ANKRD44: variants seen among roughly 807,000 people sequenced by gnomAD.
ANKRD44 encodes serine/threonine-protein phosphatase 6 regulatory ankyrin repeat subunit B.
Under a neutral mutation model 116.0 loss-of-function variants are expected in ANKRD44, and 35 were observed. That is an observed-to-expected ratio of 0.30 (90% CI 0.23 to 0.40). The LOEUF (loss-of-function observed/expected upper bound fraction) is 0.40, where lower values mean the gene tolerates loss of function less well. Ranked by LOEUF, ANKRD44 falls within the 10% of genes least tolerant of loss-of-function variation. The pLI, the probability that ANKRD44 is intolerant of heterozygous loss-of-function variation, is 1.00. For missense variants in ANKRD44, 1,014 were observed against 1,242.6 expected, an observed-to-expected ratio of 0.82 and a Z score of 2.77; for synonymous variants, 435 against 461.8, an observed-to-expected ratio of 0.94 and a Z score of 0.74.
At chr2:196,983,908 T>C (rs997298949), downstream of ANKRD44, among the ~76,000 whole-genome samples, 1 of 152,166 alleles carries the variant, frequency 6.6e-6, no homozygotes, top group Non-Finnish European at 1.5e-5. Flanking sequence ...GAAATATACA[T>C]GTGTATGGCC....
intron 2 of ANKRD44, among the ~76,000 whole-genome samples, chr2:197,156,174 G>T (rs888421277): frequency 6.6e-6 from 1 of 152,058 alleles, no homozygotes; most frequent in African/African-American, 2.4e-5. Flanking sequence ...GTGAAACCCC[G>T]TCTCTACCAA....
Position 197,023,589 on chromosome 2 carries a change from CGA to C in ANKRD44, c.1722+1605_1722+1606del, listed in dbSNP as rs1445451648. 2.0e-5 allele frequency among the ~76,000 whole-genome samples: 3 copies of C among 151,974 alleles called. No homozygotes were observed. The East Asian group carries it at 5.8e-4, about 29-fold the overall frequency. On this transcript the variant is annotated intron_variant, in intron 17 of 27. Coordinates refer to ENST00000282272, the MANE Select transcript of ANKRD44 (RefSeq NM_001195144.2). Reference sequence around the variant, plus strand: ...ACACTGTGGAAAAAAAAAAGAAGAACGAGAGATGATCAAGTCTTTGGAAGCCA... The same window carrying C: ...ACACTGTGGAAAAAAAAAAGAAGAACGAGATGATCAAGTCTTTGGAAGCCA...
intron 21 of ANKRD44, among the ~76,000 whole-genome samples, chr2:196,973,109 A>T (rs2075727155): frequency 6.6e-6 from 1 of 152,180 alleles, no homozygotes; most frequent in Admixed American, 6.5e-5. Flanking sequence ...TTCAGCCAGC[A>T]CCATTTATTA....
At chr2:197,034,558 A>G (rs2076773933) in intron 16 of ANKRD44, among the ~76,000 whole-genome samples, 1 of 151,124 alleles carries the variant, frequency 6.6e-6, no homozygotes, top group Non-Finnish European at 1.5e-5. Context: ...AAAAAAATCT[A>G]TTAAAATGTC....
At chr2:197,092,605 C>G (rs2078066947) in intron 10 of ANKRD44, among the ~76,000 whole-genome samples, 1 of 152,180 alleles carries the variant, frequency 6.6e-6, no homozygotes, top group South Asian at 2.1e-4. Flanking sequence ...GAGATTCCAG[C>G]CCAGTGTGTA....
chr2:197,038,979 T>C (rs2124939773), intron 16 of ANKRD44, among the ~76,000 whole-genome samples: 1 of 152,318 alleles, frequency 6.6e-6, no homozygotes, highest in East Asian at 1.9e-4. Context: ...TCCCATATTA[T>C]TTTGGAGGTC....
intron 21 of ANKRD44, among the ~76,000 whole-genome samples, chr2:197,002,627 G>A (rs929742249): frequency 3.3e-5 from 5 of 152,132 alleles, no homozygotes; most frequent in African/African-American, 9.7e-5. Flanking sequence ...GGTTTGTGAC[G>A]TTCTATACAA....
At chr2:197,252,894 A>T (rs372375379) in intron 1 of ANKRD44, among the ~76,000 whole-genome samples, 2 of 152,214 alleles carry the variant, frequency 1.3e-5, no homozygotes, top group African/African-American at 4.8e-5. Context: ...TACCTAAAAA[A>T]GAGTAGAGGC....
In ANKRD44 at chr2:197,193,836, C is replaced by T. The variant is rs753216335; in HGVS notation, c.28-6730G>A. 3.3e-5 allele frequency among the ~76,000 whole-genome samples: 5 copies of T among 152,054 alleles called. No homozygotes were observed. In the East Asian group the frequency reaches 5.8e-4, roughly 18 times the overall value. ...GGCAGAGCTTGCAGTGAGCCGAGAT[C>T]GCGCCACTGCACTCCAGCCTGGGCA... is the stretch of plus-strand genomic sequence containing the variant. On this transcript the variant is annotated intron_variant, in intron 1 of 27. Transcript: ENST00000282272.
At chr2:197,091,152 C>A (rs532635413) in intron 10 of ANKRD44, among the ~76,000 whole-genome samples, 1 of 152,358 alleles carries the variant, frequency 6.6e-6, no homozygotes, top group South Asian at 2.1e-4. Context: ...GGACGGCAGA[C>A]ATCAAAGCGC....
At chr2:197,287,596 C>T (rs1172645365) in intron 1 of ANKRD44, among the ~76,000 whole-genome samples, 1 of 152,192 alleles carries the variant, frequency 6.6e-6, no homozygotes, top group Non-Finnish European at 1.5e-5. Flanking sequence ...CACAGACAAC[C>T]ACACATCATT....
At chr2:197,033,341 T>C (rs184293684) in intron 16 of ANKRD44, among the ~76,000 whole-genome samples, 2 of 152,022 alleles carry the variant, frequency 1.3e-5, no homozygotes, top group East Asian at 3.9e-4. Context: ...ATGATGAAGG[T>C]GATGGTGGTG....
chr2:197,014,476 G>A (rs2076352514), intron 17 of ANKRD44, among the ~76,000 whole-genome samples: 2 of 152,050 alleles, frequency 1.3e-5, no homozygotes, highest in South Asian at 4.1e-4. Flanking sequence ...CCTTTTATGA[G>A]GTCCTAAGCT....
intron 16 of ANKRD44, among the ~76,000 whole-genome samples, chr2:197,031,541 C>T (rs1048053594): frequency 3.3e-5 from 5 of 152,090 alleles, no homozygotes; most frequent in African/African-American, 4.8e-5. Context: ...AACACTAAAG[C>T]GATTTCTATT....
chr2:197,127,644 A>G (rs1428414897), intron 4 of ANKRD44, among the ~76,000 whole-genome samples: 1 of 152,126 alleles, frequency 6.6e-6, no homozygotes, highest in Non-Finnish European at 1.5e-5. Flanking sequence ...AGAAAAGATT[A>G]TTTTTCTTCT....
At chr2:197,040,052 C>A (rs551444741) in intron 16 of ANKRD44, among the ~76,000 whole-genome samples, 1 of 151,806 alleles carries the variant, frequency 6.6e-6, no homozygotes, top group Admixed American at 6.6e-5. Flanking sequence ...TATGGTGAAA[C>A]CCCATCTCTA....
chr2:197,027,616 T>C (rs2124857642), intron 16 of ANKRD44, among the ~76,000 whole-genome samples: 1 of 151,588 alleles, frequency 6.6e-6, no homozygotes. Context: ...AAGAAGGAGT[T>C]TTATGAAGAG....
chr2:197,096,796 A>C (rs2078171204), intron 10 of ANKRD44, among the ~76,000 whole-genome samples: 1 of 152,150 alleles, frequency 6.6e-6, no homozygotes, highest in Non-Finnish European at 1.5e-5. Flanking sequence ...GGCTTTTGGC[A>C]AATTTAATCT....
At chr2:197,194,353 T>C (rs1047333840) in intron 1 of ANKRD44, among the ~76,000 whole-genome samples, 1 of 152,274 alleles carries the variant, frequency 6.6e-6, no homozygotes, top group African/African-American at 2.4e-5. Flanking sequence ...CATATATTCA[T>C]GCCAGCTTAA....
Sources: gnomAD v4.1 joint callset for allele counts (sites outside exome capture counted in the v4.1 genomes callset) on GRCh38, gnomAD v4.1.1 for gene constraint, MANE v1.5 for transcripts, NCBI Gene and HGNC (gene_info 2026-07-23, HGNC 2026-07-21) for gene names.